LRP1B: variants seen among roughly 807,000 people sequenced by gnomAD.
LRP1B encodes LDL receptor related protein 1B.
Under a neutral mutation model 556.6 loss-of-function variants are expected in LRP1B, and 217 were observed. That is an observed-to-expected ratio of 0.39 (90% CI 0.35 to 0.44). The LOEUF (loss-of-function observed/expected upper bound fraction) is 0.44, where lower values mean the gene tolerates loss of function less well. LRP1B is among the 20% of genes least tolerant of loss of function. The pLI is 1.00. For missense variants in LRP1B, 5,053 were observed against 5,620.8 expected (o/e 0.90, Z 3.23); for synonymous variants, 2,047 against 1,865.8 (o/e 1.10, Z -2.50).
At chr2:140,865,462 A>G (rs2105148538) in intron 27 of LRP1B, among the ~76,000 whole-genome samples, 1 of 151,920 alleles carries the variant, frequency 6.6e-6, no homozygotes, top group African/African-American at 2.4e-5. Context: ...CTTTGTCACC[A>G]TTTTCATTTT....
intron 43 of LRP1B, among the ~76,000 whole-genome samples, chr2:140,546,834 T>C (rs1345368412): frequency 1.3e-5 from 2 of 152,196 alleles, no homozygotes; most frequent in African/African-American, 4.8e-5. Context: ...TGAGATATGT[T>C]CCTTTAATAC....
intron 3 of LRP1B, among the ~76,000 whole-genome samples, chr2:141,442,214 G>C (rs1372090935): frequency 2.6e-5 from 4 of 152,000 alleles, no homozygotes. Context: ...TTAAATAAAA[G>C]TATATGTGGA....
intron 1 of LRP1B, among the ~76,000 whole-genome samples, chr2:141,923,446 A>ATATGTGTGTG (rs751676259): frequency 6.0e-4 from 49 of 81,748 alleles, no homozygotes; most frequent in East Asian, 7.4e-4. Context: ...TTATATATAT[A>ATATGTGTGTG]TGTGTGTGTG....
intron 2 of LRP1B, among the ~76,000 whole-genome samples, chr2:141,667,856 A>G (rs926583019): frequency 1.3e-5 from 2 of 152,206 alleles, no homozygotes; most frequent in Non-Finnish European, 2.9e-5. Flanking sequence ...GTGAATATTT[A>G]TAGAAAGAAT....
intron 66 of LRP1B, among the ~76,000 whole-genome samples, chr2:140,406,249 A>G (rs752892431): frequency 2.6e-5 from 4 of 152,162 alleles, no homozygotes; most frequent in Non-Finnish European, 4.4e-5. Flanking sequence ...TGAATGGGGA[A>G]AAGTTGAAAG....
intron 83 of LRP1B, among the ~76,000 whole-genome samples, chr2:140,302,915 T>A (rs575829041): frequency 2.6e-5 from 4 of 151,208 alleles, no homozygotes; most frequent in African/African-American, 9.7e-5. Context: ...CTGAATCACA[T>A]GACTGCCTTT....
intron 13 of LRP1B, among the ~76,000 whole-genome samples, chr2:141,014,509 T>C (rs1214032449): frequency 6.6e-6 from 1 of 152,076 alleles, no homozygotes; most frequent in Non-Finnish European, 1.5e-5. Context: ...CCTTTTACCA[T>C]AAATAAAAAC....
chr2:140,775,931 T>A (rs1006421262), intron 33 of LRP1B, among the ~76,000 whole-genome samples, 167 bp downstream of exon 33: 2 of 152,162 alleles, frequency 1.3e-5, no homozygotes, highest in Admixed American at 6.5e-5. Flanking sequence ...TCATTATGCA[T>A]CTATATTAAA....
intron 20 of LRP1B, among the ~76,000 whole-genome samples, chr2:140,944,193 A>C (rs1403689016): frequency 1.3e-5 from 2 of 152,156 alleles, no homozygotes; most frequent in African/African-American, 4.8e-5. Flanking sequence ...ATTCTTGGAA[A>C]CACACAACTT....
At chr2:140,352,560 T>A (rs1343929691) in intron 76 of LRP1B, among the ~76,000 whole-genome samples, 1 of 152,148 alleles carries the variant, frequency 6.6e-6, no homozygotes, top group Admixed American at 6.6e-5. Context: ...ACCTTTAAAA[T>A]CCTTACTCAA....
In LRP1B at chr2:140,701,928, G is replaced by A. The variant is rs2105427206; in HGVS notation, c.6303-83C>T. On this transcript the variant is annotated intron_variant, in intron 39 of 90. Transcript: ENST00000389484. ...GTTACTTAAGCTGAAGATAACAGAT[G>A]GACCAACAGAAGGGAAAGAAACCAA... 2.6e-6 allele frequency: 4 copies of A among 1,541,122 alleles called. No homozygotes were observed. The Admixed American group carries it at 5.4e-5, about 21-fold the overall frequency.
At chr2:140,777,441 C>T (rs922529663) in intron 32 of LRP1B, among the ~76,000 whole-genome samples, 12 of 152,126 alleles carry the variant, frequency 7.9e-5, no homozygotes. Context: ...CCCCCAGGTC[C>T]CTCCTGAAAC....
At chr2:141,696,087 A>T (rs952571181) in intron 2 of LRP1B, among the ~76,000 whole-genome samples, 1 of 151,952 alleles carries the variant, frequency 6.6e-6, no homozygotes, top group Admixed American at 6.6e-5. Context: ...AGATAACTCA[A>T]CTCATGGTTT....
At chr2:140,658,295 T>C (rs1345403099) in intron 41 of LRP1B, among the ~76,000 whole-genome samples, 2 of 152,058 alleles carry the variant, frequency 1.3e-5, no homozygotes, top group Non-Finnish European at 1.5e-5. Context: ...AGTAAACATA[T>C]TTAATGTCAA....
chr2:141,553,470 A>G lies in LRP1B; in HGVS notation c.206-72937T>C, dbSNP rs553075716. 2.0e-5 allele frequency among the ~76,000 whole-genome samples: 3 copies of G among 151,592 alleles called. No homozygotes were observed. The South Asian group carries it at 6.2e-4, about 31-fold the overall frequency. On this transcript the variant is annotated intron_variant, in intron 2 of 90. Transcript: ENST00000389484. ...TTAGCCACATGTGCATACTGGACAAATTATCCCAAATTTTTTCTCGGTCAA... is the reference window on the plus strand; with the variant it reads ...TTAGCCACATGTGCATACTGGACAAGTTATCCCAAATTTTTTCTCGGTCAA...
At chr2:141,762,910 T>C (rs1004404054) in intron 2 of LRP1B, among the ~76,000 whole-genome samples, 1 of 152,234 alleles carries the variant, frequency 6.6e-6, no homozygotes, top group Non-Finnish European at 1.5e-5. Flanking sequence ...ATATGAGGTT[T>C]GAAAATGTGA....
intron 1 of LRP1B, among the ~76,000 whole-genome samples, chr2:141,997,640 A>C (rs2105129399): frequency 1.2e-5 from 1 of 80,656 alleles, no homozygotes; most frequent in African/African-American, 4.3e-5. Flanking sequence ...GAGCCACTGC[A>C]CCCAGCCCAT....
At chr2:140,716,150 A>C in intron 36 of LRP1B, 48 bp from the exon 37 acceptor site, 1 of 1,338,526 alleles carries the variant, frequency 7.5e-7, no homozygotes, top group Non-Finnish European at 1.0e-6. Flanking sequence ...GAGAAAAAAA[A>C]TGTATTTGTC....
rs370141220 is a variant in LRP1B at position 141,477,298 on chromosome 2, GA to G, written c.343+3097del. On this transcript the variant is annotated intron_variant, in intron 3 of 90. Coordinates refer to ENST00000389484, the MANE Select transcript of LRP1B (RefSeq NM_018557.3). ...AACCGAGTTAGACAGAATTGTTCTG[GA>G]AAAAAAAAAAAAAGAAAGAATTTCC... Among the ~76,000 whole-genome samples the G allele has an allele frequency of 2.3e-3, 327 of 142,142 alleles. 3 individuals carry two copies. The highest frequency in any genetic ancestry group is 6.7e-3 in the African/African-American group (254 of 38,174). The allele number at this position is 142,142 out of a possible 152,430, so 93.3% of individuals were successfully genotyped here.
Sources: allele counts gnomAD v4.1 joint callset (sites outside exome capture counted in the v4.1 genomes callset), GRCh38; gene constraint gnomAD v4.1.1; transcripts MANE v1.5; gene names NCBI Gene and HGNC (gene_info 2026-07-23, HGNC 2026-07-21).